STC1: variants seen among roughly 807,000 people sequenced by gnomAD.
The protein encoded by STC1 is stanniocalcin 1, also known as stanniocalcin-1.
In STC1, 7 loss-of-function variants were observed where a neutral mutation model predicts 22.6. That is an observed-to-expected ratio of 0.31 (90% CI 0.18 to 0.58). The LOEUF is 0.58. Ranked by LOEUF, STC1 falls within the 20% of genes least tolerant of loss-of-function variation. STC1 has a pLI of 0.89. For missense variants in STC1, 224 were observed against 311.0 expected, an observed-to-expected ratio of 0.72 and a Z score of 2.10; for synonymous variants, 113 against 120.7, an observed-to-expected ratio of 0.94 and a Z score of 0.42.
At chr8:23,852,578 T>C (rs1485612791) in intron 1 of STC1, among the ~76,000 whole-genome samples, 194 bp from the exon 2 acceptor site, 1 of 152,172 alleles carries the variant, frequency 6.6e-6, no homozygotes, top group Admixed American at 6.5e-5. Context: ...TTATGATTGC[T>C]GGAGTACATG....
intron 3 of STC1, among the ~76,000 whole-genome samples, chr8:23,846,615 A>G (rs1268448784): frequency 6.6e-6 from 1 of 152,198 alleles, no homozygotes. Flanking sequence ...AACGTGGGTA[A>G]TGAGGTGATA....
Position 23,854,744 on chromosome 8 carries a change from C to CACCGCCGCTGCTGCTGCTGCTGCT in STC1, c.-245_-222dup, listed in dbSNP as rs1802681563. 18 of 609,918 alleles carry CACCGCCGCTGCTGCTGCTGCTGCT rather than the reference C, an allele frequency of 3.0e-5. No homozygotes were observed. In the Admixed American group the frequency reaches 3.4e-4, roughly 12 times the overall value. 37.8% of individuals were successfully genotyped at this position (609,918 alleles called of 1,614,324 possible). ...CTGCCGCCGCTGCTGCTGCTGCTGC[C>CACCGCCGCTGCTGCTGCTGCTGCT]ACCGCCGCTGCTGCTGCTGCTGCTG... On this transcript the variant is annotated 5_prime_UTR_variant, in exon 1 of 4. Transcript: ENST00000290271.
Position 23,848,491 on chromosome 8 carries a change from C to T in STC1, c.473+2829G>A, listed in dbSNP as rs928994207. Among the ~76,000 whole-genome samples the T allele has an allele frequency of 1.1e-4, 15 of 136,464 alleles. 1 individual carries two copies. Among genetic ancestry groups the T allele is most frequent in the African/African-American group, 3.9e-4 (14 of 36,226 alleles). 89.5% of individuals were successfully genotyped at this position (136,464 alleles called of 152,430 possible). ...AGGTTGCAGTGAACTGAGATCTCAC[C>T]ACTGTACTCCAGCCTGGGCAACAGA... is the stretch of plus-strand genomic sequence containing the variant. On this transcript the variant is annotated intron_variant, in intron 3 of 3. Coordinates refer to ENST00000290271, the MANE Select transcript of STC1 (RefSeq NM_003155.3).
chr8:23,845,419 G>T (rs1335279554), intron 3 of STC1, among the ~76,000 whole-genome samples: 1 of 152,048 alleles, frequency 6.6e-6, no homozygotes, highest in East Asian at 1.9e-4. Flanking sequence ...AGAAACTAAG[G>T]TGGATGAGGT....
chr8:23,847,416 C>G (rs1320102343), intron 3 of STC1, among the ~76,000 whole-genome samples: 2 of 152,222 alleles, frequency 1.3e-5, no homozygotes, highest in African/African-American at 4.8e-5. Flanking sequence ...CCTGAGGGCT[C>G]TTAGTGAGAA....
At position 23,844,773 on chromosome 8, in the gene STC1, T is replaced by C; in HGVS notation, c.741A>G (p.Ala247=). The change falls in exon 4 of 4, where the codon GCA becomes GCG. Residue 247 remains alanine (A), a synonymous_variant. Coordinates refer to ENST00000290271, the MANE Select transcript of STC1 (RefSeq NM_003155.3). ...GTTGTGAATAACCTCTCCCTGGTTA[T>C]GCACTCTCATGGGATGTGCGTTTGA... ...SHIKRTSHES[A] 2 of 1,613,642 alleles carry C rather than the reference T, an allele frequency of 1.2e-6. No individual in the cohort carries two copies. The highest frequency in any genetic ancestry group is 1.7e-6 in the Non-Finnish European group (2 of 1,179,560).
intron 3 of STC1, among the ~76,000 whole-genome samples, chr8:23,850,409 G>C (rs1199110377): frequency 6.6e-6 from 1 of 152,144 alleles, no homozygotes; most frequent in Non-Finnish European, 1.5e-5. Flanking sequence ...AAGTTTTTAG[G>C]CTGAGGGATA....
intron 3 of STC1, among the ~76,000 whole-genome samples, chr8:23,845,503 A>T (rs1014746179): frequency 6.6e-6 from 1 of 152,042 alleles, no homozygotes; most frequent in African/African-American, 2.4e-5. Flanking sequence ...ATGTGTAATT[A>T]TTTTGATGCT....
intron 3 of STC1, 24 bp downstream of exon 3, chr8:23,851,296 T>G (rs761117931): frequency 2.5e-6 from 4 of 1,613,282 alleles, no homozygotes; most frequent in Admixed American, 1.7e-5. Context: ...CCCCTGATTG[T>G]GAAAAAGTAG....
At chr8:23,845,566 G>A (rs1802562869) in intron 3 of STC1, among the ~76,000 whole-genome samples, 1 of 152,100 alleles carries the variant, frequency 6.6e-6, no homozygotes, top group Non-Finnish European at 1.5e-5. Flanking sequence ...GTGTGTGTGT[G>A]TGTGTGTATG....
rs1802552797 is a variant in STC1, at chr8:23,844,847, T to C, written c.667A>G (p.Lys223Glu). The C allele has an allele frequency of 6.2e-7, 1 of 1,614,092 alleles. No individual in the cohort carries two copies. Among genetic ancestry groups the C allele is most frequent in the Non-Finnish European group, 8.5e-7 (1 of 1,180,020 alleles). ...RRRTNEPQKL[K>E]VLLRNLRGEE... ...CCTCGGAGGTTCCTGAGGAGGACTT[T>C]CAGCTTCTGCGGCTCATTGGTGCGT... Residue 223 changes from lysine to glutamate, a missense_variant, in exon 4 of 4, where the codon AAA (lysine) becomes GAA (glutamate). Transcript: ENST00000290271.
At chr8:23,845,727 G>A (rs1054319605) in intron 3 of STC1, among the ~76,000 whole-genome samples, 2 of 152,090 alleles carry the variant, frequency 1.3e-5, no homozygotes, top group Non-Finnish European at 2.9e-5. Context: ...CTCCTTCAAA[G>A]GTATATTGTA....
In STC1 at chr8:23,854,705, CGCTGCT is replaced by C; in HGVS notation, c.-188_-183del. 5.8e-6 allele frequency: 4 copies of C among 694,006 alleles called. No homozygotes were observed. Among genetic ancestry groups the C allele is most frequent in the South Asian group, 3.0e-5 (2 of 66,728 alleles). 43.0% of individuals were successfully genotyped at this position (694,006 alleles called of 1,614,324 possible). ...ATGCTGCTGCTGCCACCGGTGCCTC[CGCTGCT>C]GCTGCTGCTGCCGCCGCTGCTGCTG... On this transcript the variant is annotated 5_prime_UTR_variant, in exon 1 of 4. Transcript: ENST00000290271.
At chr8:23,852,534 A>G in intron 1 of STC1, 150 bp from the exon 2 acceptor site, 1 of 781,900 alleles carries the variant, frequency 1.3e-6, no homozygotes, top group Non-Finnish European at 2.0e-6. Context: ...GACCCATTTG[A>G]TTGAGAAAGA....
Position 23,842,440 on chromosome 8 carries a change from G to A in STC1, c.*2330C>T, listed in dbSNP as rs767982927. ...TGTAGATACATATATAGATATCATC[G>A]TGGGGAGAAAAGGGGGGGTACCACG... On this transcript the variant is annotated 3_prime_UTR_variant, in exon 4 of 4. Coordinates refer to ENST00000290271, the MANE Select transcript of STC1 (RefSeq NM_003155.3). 4.2e-5 allele frequency: 6 copies of A among 141,654 alleles called. No individual in the cohort carries two copies. The highest frequency in any genetic ancestry group is 7.5e-5 in the Non-Finnish European group (5 of 66,444). 8.8% of individuals were successfully genotyped at this position (141,654 alleles called of 1,614,324 possible).
At chr8:23,850,077 G>C (rs932833200) in intron 3 of STC1, among the ~76,000 whole-genome samples, 1 of 152,180 alleles carries the variant, frequency 6.6e-6, no homozygotes, top group Non-Finnish European at 1.5e-5. Context: ...ATTGATTTGT[G>C]GTTCTGAAGG....
Position 23,854,750 on chromosome 8 carries a change from C to CGCTGCTGCT in STC1, c.-236_-228dup, listed in dbSNP as rs886137148. ...CCGCTGCTGCTGCTGCTGCCACCGC[C>CGCTGCTGCT]GCTGCTGCTGCTGCTGCTGCAGTCG... On this transcript the variant is annotated 5_prime_UTR_variant, in exon 1 of 4. Coordinates refer to ENST00000290271, the MANE Select transcript of STC1 (RefSeq NM_003155.3). 6.8e-5 allele frequency: 43 copies of CGCTGCTGCT among 634,534 alleles called. 1 individual carries two copies. In the East Asian group the frequency reaches 1.3e-3, roughly 19 times the overall value. The allele number at this position is 634,534 out of a possible 1,614,324, so 39.3% of individuals were successfully genotyped here.
At chr8:23,850,468 C>G (rs1054776380) in intron 3 of STC1, among the ~76,000 whole-genome samples, 2 of 152,158 alleles carry the variant, frequency 1.3e-5, no homozygotes, top group African/African-American at 4.8e-5. Context: ...GCCAGACCTC[C>G]ACGCCAACCC....
Position 23,844,528 on chromosome 8 carries a change from A to G in STC1, c.*242T>C. ...ACATGGCAGAGGAAGTTGGTAAAAG[A>G]GGGTACTTTCTCCTGAGGAGAGGCA... On this transcript the variant is annotated 3_prime_UTR_variant, in exon 4 of 4. Transcript: ENST00000290271. The G allele has an allele frequency of 1.9e-6, 1 of 537,858 alleles. No individual in the cohort carries two copies. The highest frequency in any genetic ancestry group is 3.3e-6 in the Non-Finnish European group (1 of 302,778). 33.3% of individuals were successfully genotyped at this position (537,858 alleles called of 1,614,324 possible).
Sources: allele counts gnomAD v4.1 joint callset (sites outside exome capture counted in the v4.1 genomes callset), GRCh38; gene constraint gnomAD v4.1.1; transcripts MANE v1.5; gene names NCBI Gene and HGNC (gene_info 2026-07-23, HGNC 2026-07-21).